Variants in POLQ observed in about 807,000 individuals in gnomAD.
The protein encoded by POLQ is DNA polymerase theta.
A neutral mutation model predicts 259.2 loss-of-function variants in POLQ; 233 were observed. The observed-to-expected ratio is 0.90, with a 90% CI of 0.81 to 1.00. POLQ has a LOEUF of 1.00. Ranked by LOEUF, POLQ falls within the 50% of genes least tolerant of loss-of-function variation. The probability of loss-of-function intolerance (pLI) is 0.00; values close to 1 mark genes in which losing one functional copy is unlikely to be tolerated. For missense variants in POLQ, 2,871 were observed against 3,051.6 expected, an observed-to-expected ratio of 0.94 and a Z score of 1.39; for synonymous variants, 1,025 against 1,048.8, an observed-to-expected ratio of 0.98 and a Z score of 0.44.
At position 121,483,503 on chromosome 3, in the gene POLQ, G is replaced by A. The variant is rs61756404; in HGVS notation, c.5853C>T (p.Cys1951=). 268 of 1,607,510 alleles carry A rather than the reference G, an allele frequency of 1.7e-4. 1 individual carries two copies. Among genetic ancestry groups the A allele is most frequent in the Admixed American group, 9.7e-4 (57 of 58,894 alleles). Residue 1951 remains cysteine (C), a synonymous_variant, in exon 18 of 30, where the codon TGC becomes TGT. Coordinates refer to ENST00000264233, the MANE Select transcript of POLQ (RefSeq NM_199420.4). ...ATTCTTTATCAGATTCCTTTCGCAA[G>A]CAAGATTGAAGGTACCACATCCTGT... ...LKDRMWYLQS[C]LRKESDKECS...
At chr3:121,494,381 G>A (rs1465977896) in intron 14 of POLQ, 20 of 1,580,682 alleles carry the variant, frequency 1.3e-5, no homozygotes, top group Non-Finnish European at 1.7e-5. Context: ...CCGCCAAACA[G>A]CTACTCAGCT....
chr3:121,542,138 A>AAAGGAAAAAAAAAAAAAAGAAGTGG, intron 2 of POLQ, among the ~76,000 whole-genome samples: 1 of 151,932 alleles, frequency 6.6e-6, no homozygotes, highest in Non-Finnish European at 1.5e-5. Context: ...TCCGTCTCAA[A>AAAGGAAAAAAAAAAAAAAGAAGTGG]AAGGAAAAAA....
In POLQ at chr3:121,436,154, T is replaced by C. The variant is rs773572077; in HGVS notation, c.7511A>G (p.His2504Arg). Residue 2504 changes from histidine (H) to arginine (R), a missense_variant, in exon 28 of 30, where the codon CAT (histidine) becomes CGT (arginine). Physicochemically the swap from His to Arg is conservative, Grantham distance 29 (BLOSUM62 0). Coordinates refer to ENST00000264233, the MANE Select transcript of POLQ (RefSeq NM_199420.4). ...TFHSTFKSHG[H>R]REGMLQSDQT... ...GTCACTTTGGAGCATACCCTCTCGA[T>C]GACCATGGGATTTGAAGGTTGAGTG... 5.6e-6 allele frequency: 9 copies of C among 1,613,956 alleles called. No homozygotes were observed. The highest frequency in any genetic ancestry group is 7.6e-6 in the Non-Finnish European group (9 of 1,179,824).
intron 4 of POLQ, among the ~76,000 whole-genome samples, chr3:121,537,674 C>T (rs2048460405): frequency 6.6e-6 from 1 of 151,752 alleles, no homozygotes; most frequent in African/African-American, 2.4e-5. Context: ...TTAAAAGACT[C>T]AATATCTTTG....
chr3:121,473,420 A>G lies in POLQ; in HGVS notation c.6473T>C (p.Leu2158Pro). The G allele has an allele frequency of 6.2e-7, 1 of 1,613,978 alleles. No individual in the cohort carries two copies. Among genetic ancestry groups the G allele is most frequent in the Non-Finnish European group, 8.5e-7 (1 of 1,179,862 alleles). ...GTCAATCCCTCTTCTGGTAGAACCC[A>G]GAGTTTTCTTGCTGCCTTGGTTTTT... is the stretch of plus-strand genomic sequence containing the variant. Reference protein sequence around the residue: ...EMKNQGSKKTLGSTRRGIDNG... With the variant: ...EMKNQGSKKTPGSTRRGIDNG... The change falls in exon 21 of 30, where the codon CTG (leucine) becomes CCG (proline). Residue 2158 changes from leucine (L) to proline (P), a missense_variant. This residue lies in a region of POLQ where 2,080 missense variants were observed against 2,126.0 expected (regional missense o/e 0.98). Transcript: ENST00000264233.
intron 25 of POLQ, among the ~76,000 whole-genome samples, chr3:121,450,871 T>A (rs997076961): frequency 6.6e-6 from 1 of 152,210 alleles, no homozygotes; most frequent in Non-Finnish European, 1.5e-5. Context: ...CTGGATAATA[T>A]CCTGCAGAGT....
At chr3:121,544,615 A>G in intron 2 of POLQ, 112 bp downstream of exon 2, 1 of 628,230 alleles carries the variant, frequency 1.6e-6, no homozygotes, top group Non-Finnish European at 2.8e-6. Flanking sequence ...GATTTTCTCT[A>G]GTTATAAAGC....
intron 6 of POLQ, among the ~76,000 whole-genome samples, 184 bp from the exon 7 acceptor site, chr3:121,529,976 A>T (rs1193901785): frequency 6.6e-6 from 1 of 152,234 alleles, no homozygotes; most frequent in Non-Finnish European, 1.5e-5. Context: ...TAATGATGAA[A>T]GGTGAAAGAA....
At chr3:121,445,081 T>C (rs1288275945) in intron 26 of POLQ, among the ~76,000 whole-genome samples, 1 of 152,212 alleles carries the variant, frequency 6.6e-6, no homozygotes, top group Non-Finnish European at 1.5e-5. Context: ...TGTTTCGATA[T>C]GTCTTTGTCT....
chr3:121,500,816 CA>C (rs1416840369), intron 12 of POLQ, among the ~76,000 whole-genome samples: 1 of 152,048 alleles, frequency 6.6e-6, no homozygotes, highest in East Asian at 1.9e-4. Context: ...TTGAAAACAG[CA>C]AGAAAAAGTC....
At chr3:121,433,934 G>T (rs939000825) in intron 28 of POLQ, among the ~76,000 whole-genome samples, 1 of 152,188 alleles carries the variant, frequency 6.6e-6, no homozygotes, top group Non-Finnish European at 1.5e-5. Flanking sequence ...GTGCCAGTTT[G>T]CTCAGAGGTG....
At chr3:121,519,073 G>A (rs1186946410) in intron 9 of POLQ, among the ~76,000 whole-genome samples, 3 of 151,800 alleles carry the variant, frequency 2.0e-5, no homozygotes, top group African/African-American at 7.3e-5. Flanking sequence ...TTTTTTCAGA[G>A]CCAGCACCAA....
At chr3:121,439,840 C>T in intron 27 of POLQ, 152 bp downstream of exon 27, 3 of 669,714 alleles carry the variant, frequency 4.5e-6, no homozygotes, top group Non-Finnish European at 7.6e-6. Context: ...CTTCAGAAGT[C>T]CTTAATGAAA....
chr3:121,535,050 T>G (rs1214168341), intron 5 of POLQ, among the ~76,000 whole-genome samples: 1 of 152,214 alleles, frequency 6.6e-6, no homozygotes, highest in Non-Finnish European at 1.5e-5. Flanking sequence ...TATATATCCA[T>G]TAGGTCAAAT....
intron 18 of POLQ, among the ~76,000 whole-genome samples, chr3:121,482,875 T>C (rs1434214854): frequency 6.6e-6 from 1 of 152,234 alleles, no homozygotes; most frequent in Non-Finnish European, 1.5e-5. Context: ...GTTTCTTAAC[T>C]GAGTCATCAT....
intron 16 of POLQ, among the ~76,000 whole-genome samples, chr3:121,486,297 T>A (rs1286332436): frequency 6.6e-6 from 1 of 152,204 alleles, no homozygotes; most frequent in African/African-American, 2.4e-5. Context: ...ACGCCTGTAA[T>A]CCCAGCACTT....
At chr3:121,472,403 A>C (rs1348405605) in intron 21 of POLQ, among the ~76,000 whole-genome samples, 1 of 152,190 alleles carries the variant, frequency 6.6e-6, no homozygotes, top group Admixed American at 6.5e-5. Flanking sequence ...TCAAAAAAAT[A>C]AATGAATTGT....
At chr3:121,542,692 G>A (rs2048498939) in intron 2 of POLQ, among the ~76,000 whole-genome samples, 1 of 152,108 alleles carries the variant, frequency 6.6e-6, no homozygotes, top group Non-Finnish European at 1.5e-5. Flanking sequence ...CTTTGGACTG[G>A]GCACAGTGAA....
chr3:121,483,237 T>C, intron 18 of POLQ, 149 bp downstream of exon 18: 1 of 448,550 alleles, frequency 2.2e-6, no homozygotes, highest in Non-Finnish European at 3.9e-6. Context: ...GATATTCTAT[T>C]CTGGGTAGAT....
Sources: allele counts gnomAD v4.1 joint callset (sites outside exome capture counted in the v4.1 genomes callset), GRCh38; gene constraint gnomAD v4.1.1; regional missense constraint gnomAD v4.1.1; transcripts MANE v1.5; gene names NCBI Gene and HGNC (gene_info 2026-07-23, HGNC 2026-07-21).